The following TNIK variants were observed in gnomAD, a reference collection of about 807,000 sequenced individuals.
TNIK encodes the protein TRAF2 and NCK interacting kinase.
In TNIK, 49 loss-of-function variants were observed where a neutral mutation model predicts 191.3. That is an observed-to-expected ratio of 0.26 (90% CI 0.20 to 0.32). The LOEUF (loss-of-function observed/expected upper bound fraction) is 0.32. Ranked by LOEUF, TNIK falls within the 10% of genes least tolerant of loss-of-function variation. The probability of loss-of-function intolerance (pLI) is 1.00; values close to 1 mark genes in which losing one functional copy is unlikely to be tolerated. For synonymous variants in TNIK, 594 were observed against 600.9 expected (o/e 0.99, Z 0.17); for missense variants, 1,155 against 1,702.3 (o/e 0.68, Z 5.66).
At chr3:171,086,470 A>G (rs1721369763) in intron 24 of TNIK, among the ~76,000 whole-genome samples, 2 of 152,158 alleles carry the variant, frequency 1.3e-5, no homozygotes, top group African/African-American at 4.8e-5. Context: ...GTACCAAGAG[A>G]GGTGTTCAGG....
chr3:171,211,869 C>T (rs1280091145), intron 3 of TNIK, among the ~76,000 whole-genome samples: 3 of 152,144 alleles, frequency 2.0e-5, no homozygotes. Flanking sequence ...AGACAACTCT[C>T]TTACAGAGTT....
At chr3:171,217,007 A>T (rs1186473374) in intron 3 of TNIK, among the ~76,000 whole-genome samples, 3 of 152,110 alleles carry the variant, frequency 2.0e-5, no homozygotes, top group Non-Finnish European at 4.4e-5. Context: ...AAATTAATTC[A>T]TTCAAGAATG....
chr3:171,432,747 G>A (rs556864307), intron 1 of TNIK, among the ~76,000 whole-genome samples: 11 of 152,210 alleles, frequency 7.2e-5, no homozygotes, highest in South Asian at 4.1e-4. Context: ...AACACTGCAC[G>A]TGTATAACAT....
chr3:171,084,876 T>G (rs1053731160), intron 25 of TNIK, among the ~76,000 whole-genome samples: 1 of 152,162 alleles, frequency 6.6e-6, no homozygotes, highest in Non-Finnish European at 1.5e-5. Context: ...CAGCTTTTCC[T>G]AGGGTCCCTA....
intron 1 of TNIK, among the ~76,000 whole-genome samples, chr3:171,424,356 G>A (rs534227896): frequency 5.4e-4 from 83 of 152,312 alleles, no homozygotes; most frequent in African/African-American, 1.9e-3. Flanking sequence ...AGGATGTGGA[G>A]AAATAGGAAC....
chr3:171,450,439 G>T (rs539471974), intron 1 of TNIK, among the ~76,000 whole-genome samples: 1 of 152,308 alleles, frequency 6.6e-6, no homozygotes, highest in South Asian at 2.1e-4. Flanking sequence ...TGTCCAGGAT[G>T]TTGGCAATCC....
chr3:171,110,260 A>G (rs934813335), intron 19 of TNIK, among the ~76,000 whole-genome samples: 13 of 152,198 alleles, frequency 8.5e-5, no homozygotes, highest in African/African-American at 3.1e-4. Context: ...TGTATTCTAC[A>G]TTAGTCTTTA....
At chr3:171,350,037 G>T (rs1478417908) in intron 2 of TNIK, among the ~76,000 whole-genome samples, 1 of 151,868 alleles carries the variant, frequency 6.6e-6, no homozygotes, top group Non-Finnish European at 1.5e-5. Context: ...ACATATAGAA[G>T]AATTACAGAA....
chr3:171,456,865 A>G (rs1728849770), intron 1 of TNIK, among the ~76,000 whole-genome samples: 1 of 152,226 alleles, frequency 6.6e-6, no homozygotes. Context: ...TGACTTAGAG[A>G]AAAGAGCACT....
At chr3:171,327,900 T>TAAAAAAAAACAAAAAAAAAAAAAAAAA (rs1755965664) in intron 2 of TNIK, among the ~76,000 whole-genome samples, 1 of 79,622 alleles carries the variant, frequency 1.3e-5, no homozygotes. Flanking sequence ...ACCTGGCTCA[T>TAAAAAAAAACAAAAAAAAAAAAAAAAA]AAAAAAAAAA....
chr3:171,375,571 C>T (rs1243373188), intron 1 of TNIK, among the ~76,000 whole-genome samples: 1 of 152,132 alleles, frequency 6.6e-6, no homozygotes, highest in Non-Finnish European at 1.5e-5. Context: ...AGGCTCAAGC[C>T]CAGCTTCACA....
intron 2 of TNIK, among the ~76,000 whole-genome samples, chr3:171,228,792 TTGG>T (rs1284288606): frequency 6.6e-6 from 1 of 152,190 alleles, no homozygotes; most frequent in Non-Finnish European, 1.5e-5. Context: ...GTGGGCTCTT[TTGG>T]TCTTTAGAAC....
intron 2 of TNIK, among the ~76,000 whole-genome samples, chr3:171,253,726 G>A (rs760371328): frequency 1.7e-4 from 26 of 150,636 alleles, no homozygotes; most frequent in African/African-American, 3.7e-4. Flanking sequence ...ACAGATCACC[G>A]TTTCTCTACC....
chr3:171,445,622 G>A lies in TNIK; in HGVS notation c.57+14385C>T, dbSNP rs546410889. 5.3e-5 allele frequency among the ~76,000 whole-genome samples: 8 copies of A among 152,232 alleles called. No individual in the cohort carries two copies. The East Asian group carries it at 1.5e-3, about 29-fold the overall frequency. ...TACTACCTACTGAGTAAGCCGCACAGGTCCTTGCTCCAAACACCATCTAAA... is the reference window on the plus strand; with the variant it reads ...TACTACCTACTGAGTAAGCCGCACAAGTCCTTGCTCCAAACACCATCTAAA... On this transcript the variant is annotated intron_variant, in intron 1 of 32. Transcript: ENST00000436636.
rs544853586 is a variant in TNIK, at chr3:171,099,874, G to T, written c.2591+1575C>A. On this transcript the variant is annotated intron_variant, in intron 22 of 32. Transcript: ENST00000436636. ...TTAATAGCCTTGCAAAATATGATAGGGGACCTAAAACCCAAATGCTAATGA... is the reference window on the plus strand; with the variant it reads ...TTAATAGCCTTGCAAAATATGATAGTGGACCTAAAACCCAAATGCTAATGA... 3.3e-5 allele frequency among the ~76,000 whole-genome samples: 5 copies of T among 152,212 alleles called. No homozygotes were observed. The South Asian group carries it at 1.0e-3, about 32-fold the overall frequency.
chr3:171,372,615 T>C (rs931771573), intron 1 of TNIK, among the ~76,000 whole-genome samples: 3 of 152,188 alleles, frequency 2.0e-5, no homozygotes, highest in Admixed American at 6.5e-5. Context: ...CCCATCTCCA[T>C]TGACTAGTCA....
rs1725888065 is a variant in TNIK at position 171,111,757 on chromosome 3, A to C, written c.2121-880T>G. Among the ~76,000 whole-genome samples, 4 of 152,372 alleles carry C rather than the reference A, an allele frequency of 2.6e-5. No homozygotes were observed. In the South Asian group the frequency reaches 8.3e-4, roughly 32 times the overall value. Reference sequence around the variant, plus strand: ...TCACAGTAGCCACAATATGGAATCAACCTAAGTGTGTGTCCACTGAAGAAT... The same window carrying C: ...TCACAGTAGCCACAATATGGAATCACCCTAAGTGTGTGTCCACTGAAGAAT... On this transcript the variant is annotated intron_variant, in intron 18 of 32. Transcript: ENST00000436636.
intron 4 of TNIK, among the ~76,000 whole-genome samples, chr3:171,201,036 G>A (rs1485957771): frequency 6.6e-6 from 1 of 152,180 alleles, no homozygotes; most frequent in Non-Finnish European, 1.5e-5. Context: ...AGGAAGAGGT[G>A]CAAGCGGGAA....
intron 1 of TNIK, among the ~76,000 whole-genome samples, chr3:171,445,539 A>G (rs567008305): frequency 2.0e-5 from 3 of 152,214 alleles, no homozygotes; most frequent in Admixed American, 2.0e-4. Context: ...ACTAGCTTTT[A>G]GAAAATCACA....
Sources: allele counts gnomAD v4.1 joint callset (sites outside exome capture counted in the v4.1 genomes callset), GRCh38; gene constraint gnomAD v4.1.1; transcripts MANE v1.5; gene names NCBI Gene and HGNC (gene_info 2026-07-23, HGNC 2026-07-21).